Variants in WWOX observed in about 807,000 individuals in gnomAD.
WWOX encodes WW domain containing oxidoreductase.
A neutral mutation model predicts 46.2 loss-of-function variants in WWOX; 69 were observed. That is an observed-to-expected ratio of 1.49 (90% CI 1.23 to 1.82). The LOEUF (loss-of-function observed/expected upper bound fraction) is 1.82. WWOX is among the 40% of genes most tolerant of loss of function. WWOX has a pLI of 0.00. For synonymous variants in WWOX, 359 were observed against 202.6 expected, an observed-to-expected ratio of 1.77 and a Z score of -6.56; for missense variants, 919 against 542.6, an observed-to-expected ratio of 1.69 and a Z score of -6.89.
intron 5 of WWOX, among the ~76,000 whole-genome samples, chr16:78,327,982 G>T (rs1258906374): frequency 6.9e-6 from 1 of 145,982 alleles, no homozygotes; most frequent in East Asian, 2.1e-4. Flanking sequence ...GCTCAAGCCA[G>T]CCGCCCATCT....
chr16:78,248,562 C>T (rs2037889774), intron 5 of WWOX, among the ~76,000 whole-genome samples: 1 of 152,020 alleles, frequency 6.6e-6, no homozygotes. Flanking sequence ...ACGGTGAAAA[C>T]TCATCTCTAC....
At chr16:78,672,713 C>T (rs966351494) in intron 8 of WWOX, among the ~76,000 whole-genome samples, 1 of 152,180 alleles carries the variant, frequency 6.6e-6, no homozygotes. Context: ...CAAAAAGATT[C>T]CCAGAGGACC....
chr16:78,532,534 A>T (rs530957209), intron 8 of WWOX, among the ~76,000 whole-genome samples: 1 of 152,318 alleles, frequency 6.6e-6, no homozygotes, highest in African/African-American at 2.4e-5. Flanking sequence ...GGTGATTGAG[A>T]AGAGTTTAAC....
intron 5 of WWOX, 143 bp downstream of exon 5, chr16:78,164,432 C>G (rs575673365): frequency 2.1e-4 from 168 of 782,252 alleles, no homozygotes; most frequent in Non-Finnish European, 3.2e-4. Flanking sequence ...CTTTGTTTGT[C>G]TTATGAATGA....
chr16:78,640,965 G>T (rs767210878), intron 8 of WWOX, among the ~76,000 whole-genome samples: 1 of 149,942 alleles, frequency 6.7e-6, no homozygotes, highest in Non-Finnish European at 1.5e-5. Flanking sequence ...AAGAAGAAAA[G>T]AAAGGAAGGA....
At chr16:78,374,373 C>G (rs978058455) in intron 5 of WWOX, among the ~76,000 whole-genome samples, 1 of 152,076 alleles carries the variant, frequency 6.6e-6, no homozygotes, top group African/African-American at 2.4e-5. Flanking sequence ...AAACAAACTT[C>G]ACTTGTTAGT....
intron 8 of WWOX, among the ~76,000 whole-genome samples, chr16:78,961,600 G>T (rs1050116769): frequency 1.1e-4 from 16 of 151,970 alleles, no homozygotes; most frequent in Admixed American, 3.3e-4. Flanking sequence ...GGGGATAAAT[G>T]AAAGGCTTGT....
chr16:78,934,349 A>AAAAAAAAAAAAAAG (rs1380470282), intron 8 of WWOX, among the ~76,000 whole-genome samples: 5 of 148,316 alleles, frequency 3.4e-5, no homozygotes, highest in African/African-American at 7.5e-5. Flanking sequence ...AAAAAAAAAA[A>AAAAAAAAAAAAAAG]AAGAAGAAAC....
chr16:78,742,136 T>A (rs11859766), intron 8 of WWOX, among the ~76,000 whole-genome samples: 1,676 of 152,320 alleles, frequency 0.011, 35 homozygotes, highest in African/African-American at 0.038. Flanking sequence ...TTAAATGTCT[T>A]TTCCTTGCAA....
intron 5 of WWOX, among the ~76,000 whole-genome samples, chr16:78,323,384 C>T (rs1443956252): frequency 4.6e-5 from 7 of 152,146 alleles, no homozygotes; most frequent in African/African-American, 7.2e-5. Flanking sequence ...GGATTACAGG[C>T]GTGAGCCACT....
At chr16:78,410,194 C>T (rs1220927651) in intron 6 of WWOX, among the ~76,000 whole-genome samples, 1 of 152,222 alleles carries the variant, frequency 6.6e-6, no homozygotes, top group African/African-American at 2.4e-5. Context: ...CCTGAGGCCT[C>T]ACCGGAAGCC....
At chr16:78,669,526 C>G (rs1055903032) in intron 8 of WWOX, among the ~76,000 whole-genome samples, 3 of 152,192 alleles carry the variant, frequency 2.0e-5, no homozygotes, top group African/African-American at 7.2e-5. Context: ...ATCCATAGGA[C>G]AGTACCTACC....
intron 8 of WWOX, among the ~76,000 whole-genome samples, chr16:78,706,595 G>T (rs966902080): frequency 2.6e-5 from 4 of 152,174 alleles, no homozygotes; most frequent in Non-Finnish European, 2.9e-5. Flanking sequence ...AGTCTCTCTG[G>T]CTTGGTAATT....
At chr16:78,808,792 A>G (rs985907351) in intron 8 of WWOX, among the ~76,000 whole-genome samples, 1 of 152,040 alleles carries the variant, frequency 6.6e-6, no homozygotes, top group Non-Finnish European at 1.5e-5. Flanking sequence ...GTGGTGTGTG[A>G]TCTTGACCAC....
intron 5 of WWOX, among the ~76,000 whole-genome samples, chr16:78,334,278 C>A (rs555331240): frequency 2.0e-5 from 3 of 152,316 alleles, no homozygotes; most frequent in Admixed American, 1.3e-4. Flanking sequence ...TACGGGCTCT[C>A]ACCCTCCTCC....
chr16:78,142,902 C>T (rs117342626), intron 4 of WWOX, among the ~76,000 whole-genome samples: 31 of 152,302 alleles, frequency 2.0e-4, no homozygotes, highest in Non-Finnish European at 4.0e-4. Context: ...CATCATATGA[C>T]ATGGAGTCTT....
At chr16:78,820,792 C>T (rs988943872) in intron 8 of WWOX, among the ~76,000 whole-genome samples, 14 of 152,200 alleles carry the variant, frequency 9.2e-5, no homozygotes, top group South Asian at 2.1e-4. Flanking sequence ...TTGTGGGGTT[C>T]GTTCCTTCTG....
At chr16:78,644,086 G>A (rs968557688) in intron 8 of WWOX, among the ~76,000 whole-genome samples, 1 of 152,226 alleles carries the variant, frequency 6.6e-6, no homozygotes, top group East Asian at 1.9e-4. Flanking sequence ...GCCAGACATG[G>A]TGGTGCATGC....
intron 8 of WWOX, among the ~76,000 whole-genome samples, chr16:79,035,772 C>T (rs1230052748): frequency 6.6e-6 from 1 of 151,256 alleles, no homozygotes; most frequent in Non-Finnish European, 1.5e-5. Context: ...CTCCTGATCT[C>T]AGGTGTTCCA....
Sources: allele counts gnomAD v4.1 joint callset (sites outside exome capture counted in the v4.1 genomes callset), GRCh38; gene constraint gnomAD v4.1.1; transcripts MANE v1.5; gene names NCBI Gene and HGNC (gene_info 2026-07-23, HGNC 2026-07-21).